CNBD1: variants seen among roughly 807,000 people sequenced by gnomAD.
CNBD1 encodes cyclic nucleotide-binding domain-containing protein 1.
In CNBD1, 71 loss-of-function variants were observed where a neutral mutation model predicts 54.4. That is an observed-to-expected ratio of 1.30 (90% CI 1.08 to 1.59). CNBD1 has a LOEUF of 1.59. Ranked by LOEUF, CNBD1 falls within the 40% of genes most tolerant of loss-of-function variation. CNBD1 has a pLI of 0.00. For synonymous variants in CNBD1, 182 were observed against 170.7 expected (o/e 1.07, Z -0.51); for missense variants, 659 against 518.0 (o/e 1.27, Z -2.64).
rs763854425 is a variant in CNBD1, at chr8:87,206,131, C to A, written c.570C>A (p.Gly190=). The change falls in exon 5 of 11, where the codon GGC becomes GGA. Residue 190 remains glycine (G), a synonymous_variant. Coordinates refer to ENST00000518476, the MANE Select transcript of CNBD1 (RefSeq NM_173538.3). ...KTVFSETWLK[G]STVVANDGFY... is the part of the protein sequence containing the mutation. ...TCTTTTCCGAAACCTGGTTGAAAGG[C>A]AGCACAGGTAATAGACTAATGTGGG... is the stretch of plus-strand genomic sequence containing the variant. 2 of 1,585,114 alleles carry A rather than the reference C, an allele frequency of 1.3e-6. No homozygotes were observed. The highest frequency in any genetic ancestry group is 1.2e-5 in the South Asian group (1 of 86,048).
At chr8:87,108,111 T>C (rs1046538949) in intron 4 of CNBD1, among the ~76,000 whole-genome samples, 4 of 152,198 alleles carry the variant, frequency 2.6e-5, no homozygotes, top group Admixed American at 6.5e-5. Context: ...TGAAAATAGA[T>C]AGTTCCTGAC....
chr8:86,982,277 C>T (rs1018118739), intron 4 of CNBD1, among the ~76,000 whole-genome samples: 2 of 152,104 alleles, frequency 1.3e-5, no homozygotes, highest in African/African-American at 4.8e-5. Flanking sequence ...ACTCTGGAAA[C>T]AAGCAATTAG....
chr8:87,163,337 G>GT lies in CNBD1; in HGVS notation c.432-42650dup, dbSNP rs1254605957. Among the ~76,000 whole-genome samples, 1 of 151,196 alleles carries GT rather than the reference G, an allele frequency of 6.6e-6. No homozygotes were observed. Among genetic ancestry groups the GT allele is most frequent in the African/African-American group, 2.4e-5 (1 of 41,186 alleles). ...CTGCTTCCATATGAATTTTAGAATTGTTTTTTCCATTTCTGTAAAAAAAAA... is the reference window on the plus strand; with the variant it reads ...CTGCTTCCATATGAATTTTAGAATTGTTTTTTTCCATTTCTGTAAAAAAAAA... On this transcript the variant is annotated intron_variant, in intron 4 of 10. Coordinates refer to ENST00000518476, the MANE Select transcript of CNBD1 (RefSeq NM_173538.3). This position sits in a 1 kb window ranked among gnomAD's most constrained non-coding sequence, Gnocchi z 4.5.
chr8:87,005,654 C>T (rs1475089500), intron 4 of CNBD1, among the ~76,000 whole-genome samples: 1 of 151,898 alleles, frequency 6.6e-6, no homozygotes, highest in Admixed American at 6.6e-5. Context: ...ACATGTTAAA[C>T]AGGCAAGGAA....
At chr8:87,089,358 A>G (rs954465794) in intron 4 of CNBD1, among the ~76,000 whole-genome samples, 2 of 152,240 alleles carry the variant, frequency 1.3e-5, no homozygotes, top group South Asian at 4.1e-4. Flanking sequence ...TATGTGTGTT[A>G]GTTTAGAAAG....
chr8:87,209,646 A>G (rs2130800143), intron 5 of CNBD1, among the ~76,000 whole-genome samples: 1 of 152,318 alleles, frequency 6.6e-6, no homozygotes, highest in East Asian at 1.9e-4. Context: ...AAATTCCAGG[A>G]CATTTTTCAC....
intron 2 of CNBD1, among the ~76,000 whole-genome samples, chr8:86,894,077 C>G (rs1289038554): frequency 2.2e-5 from 1 of 45,126 alleles, no homozygotes; most frequent in South Asian, 9.2e-4. Context: ...TTTTTTGAGA[C>G]GGAGTCTCGC....
rs1190808584 is a variant in CNBD1 at position 86,950,053 on chromosome 8, T to A, written c.431+10299T>A. On this transcript the variant is annotated intron_variant, in intron 4 of 10. Coordinates refer to ENST00000518476, the MANE Select transcript of CNBD1 (RefSeq NM_173538.3). The stretch of plus-strand genomic sequence containing the variant: ...CTCACTGCAACCTCTGCCTCCCGGG[T>A]TTTTTTTTTTTTTTTTTTTTTTTTT... Among the ~76,000 whole-genome samples, 10 of 2,656 alleles carry A rather than the reference T, an allele frequency of 3.8e-3. 1 individual carries two copies. The highest frequency in any genetic ancestry group is 1.0e-2 in the African/African-American group (9 of 904). 1.7% of individuals were successfully genotyped at this position (2,656 alleles called of 152,430 possible).
chr8:87,150,149 C>A (rs1405327925), intron 4 of CNBD1, among the ~76,000 whole-genome samples: 3 of 151,914 alleles, frequency 2.0e-5, no homozygotes, highest in Admixed American at 6.6e-5. Flanking sequence ...TGCACGCCAG[C>A]CTGGGTGACA....
At chr8:86,951,689 A>C (rs372071236) in intron 4 of CNBD1, among the ~76,000 whole-genome samples, 1 of 151,006 alleles carries the variant, frequency 6.6e-6, no homozygotes, top group Non-Finnish European at 1.5e-5. Flanking sequence ...ACAACAAAAG[A>C]CATCTTGTTT....
At chr8:87,256,015 ATTTTTTTTTT>A (rs1212667153) in intron 6 of CNBD1, among the ~76,000 whole-genome samples, 34 of 15,770 alleles carry the variant, frequency 2.2e-3, no homozygotes, top group Admixed American at 5.0e-3. Context: ...ATATATATAT[ATTTTTTTTTT>A]TTTTTTTTTT....
At chr8:87,092,535 ATG>A (rs1303435896) in intron 4 of CNBD1, among the ~76,000 whole-genome samples, 2 of 118,032 alleles carry the variant, frequency 1.7e-5, no homozygotes, top group South Asian at 3.0e-4. Flanking sequence ...GTATGTATGT[ATG>A]TGTGTGTATA....
intron 5 of CNBD1, among the ~76,000 whole-genome samples, chr8:87,224,234 C>T (rs1814421406): frequency 6.6e-6 from 1 of 150,508 alleles, no homozygotes; most frequent in Non-Finnish European, 1.5e-5. Flanking sequence ...TGTGCAGAAG[C>T]TCTTTAGTTT....
chr8:87,286,995 C>T (rs1185918680), intron 8 of CNBD1, among the ~76,000 whole-genome samples: 1 of 152,028 alleles, frequency 6.6e-6, no homozygotes, highest in African/African-American at 2.4e-5. Context: ...GGTATAGCCA[C>T]TCACACAGGA....
intron 8 of CNBD1, among the ~76,000 whole-genome samples, chr8:87,349,616 C>T (rs553588642): frequency 2.0e-5 from 3 of 152,226 alleles, no homozygotes; most frequent in Non-Finnish European, 4.4e-5. Flanking sequence ...CTCAGATGAT[C>T]TGCCCGCCTC....
At chr8:87,261,152 A>G (rs952640119) in intron 6 of CNBD1, among the ~76,000 whole-genome samples, 1 of 152,196 alleles carries the variant, frequency 6.6e-6, no homozygotes, top group Non-Finnish European at 1.5e-5. Context: ...GACCCAGTCC[A>G]GTTTCTATCA....
chr8:87,055,238 G>A (rs978607895), intron 4 of CNBD1, among the ~76,000 whole-genome samples: 2 of 152,146 alleles, frequency 1.3e-5, no homozygotes, highest in Non-Finnish European at 2.9e-5. Context: ...GGTCCTGGAC[G>A]GGTTGCCATT....
intron 4 of CNBD1, among the ~76,000 whole-genome samples, chr8:87,147,520 A>G (rs1211991240): frequency 2.6e-5 from 4 of 152,100 alleles, no homozygotes; most frequent in Non-Finnish European, 5.9e-5. Context: ...TAAAATATAT[A>G]TATTTCTGAC....
chr8:87,423,761 G>A (rs1426396107), intron 2 of CNBD1, among the ~76,000 whole-genome samples: 2 of 151,796 alleles, frequency 1.3e-5, no homozygotes, highest in Non-Finnish European at 2.9e-5. Flanking sequence ...TCTCTGCCCG[G>A]CTTTTGTATC....
Sources: allele counts gnomAD v4.1 joint callset (sites outside exome capture counted in the v4.1 genomes callset), GRCh38; gene constraint gnomAD v4.1.1; non-coding constraint Gnocchi (gnomAD v3.1); transcripts MANE v1.5; gene names NCBI Gene and HGNC (gene_info 2026-07-23, HGNC 2026-07-21).